Variants in RCOR3 observed in about 807,000 individuals in gnomAD.
The protein encoded by RCOR3 is REST corepressor 3.
In RCOR3, 13 loss-of-function variants were observed where a neutral mutation model predicts 64.1. That is an observed-to-expected ratio of 0.20 (90% confidence interval 0.13 to 0.32). The LOEUF is 0.32. Ranked by LOEUF, RCOR3 falls within the 10% of genes least tolerant of loss-of-function variation. The pLI is 1.00. For missense variants in RCOR3, 489 were observed against 701.2 expected (o/e 0.70, Z 3.42); for synonymous variants, 215 against 239.0 (o/e 0.90, Z 0.93).
chr1:211,269,139 G>C (rs78871138), intron 2 of RCOR3, among the ~76,000 whole-genome samples: 1 of 151,038 alleles, frequency 6.6e-6, no homozygotes, highest in African/African-American at 2.5e-5. Flanking sequence ...TGGAATTCTG[G>C]CTATTAATGG....
At chr1:211,280,996 AAAAAAG>A (rs1697723542) in intron 7 of RCOR3, among the ~76,000 whole-genome samples, 1 of 151,014 alleles carries the variant, frequency 6.6e-6, no homozygotes. Flanking sequence ...AAAAAAAAAA[AAAAAAG>A]GCATATGTCT....
Position 211,312,279 on chromosome 1 carries a change from T to G in RCOR3, c.1076-441T>G. On this transcript the variant is annotated intron_variant, in intron 10 of 11. Coordinates refer to ENST00000419091, the MANE Select transcript of RCOR3 (RefSeq NM_001136223.3). This position sits in a 1 kb window ranked among gnomAD's most constrained non-coding sequence, Gnocchi z 5.0. ...ATGGGGGAACCCTAAGGCTACTCAC[T>G]CAGTCCATTGAGGGGATAAGAGAGA... 4.6e-6 allele frequency: 2 copies of G among 435,794 alleles called. No homozygotes were observed. The highest frequency in any genetic ancestry group is 4.7e-6 in the Non-Finnish European group (1 of 211,494). 27.0% of individuals were successfully genotyped at this position (435,794 alleles called of 1,614,324 possible). A position where few individuals can be genotyped will look rare whatever the true frequency, so the allele number is the denominator to read the frequency against.
intron 4 of RCOR3, among the ~76,000 whole-genome samples, chr1:211,274,603 G>C (rs910998285): frequency 6.6e-6 from 1 of 151,996 alleles, no homozygotes; most frequent in Non-Finnish European, 1.5e-5. Context: ...TACATAGATA[G>C]AACTTTAAAA....
intron 10 of RCOR3, among the ~76,000 whole-genome samples, chr1:211,308,698 T>TGTGTGTG (rs1336986082): frequency 2.4e-4 from 10 of 40,870 alleles, no homozygotes; most frequent in African/African-American, 6.9e-4. Flanking sequence ...TTTTTTTTTT[T>TGTGTGTG]TGTGTAGTCC....
At chr1:211,273,265 T>C (rs1325411419) in intron 3 of RCOR3, among the ~76,000 whole-genome samples, 1 of 152,158 alleles carries the variant, frequency 6.6e-6, no homozygotes, top group Non-Finnish European at 1.5e-5. Context: ...ACTCATTTAA[T>C]CATAGGAGGA....
In RCOR3 at chr1:211,279,218, T is replaced by C. The variant is rs1189966473; in HGVS notation, c.642-20T>C. On this transcript the variant is annotated intron_variant, in intron 6 of 11. Transcript: ENST00000419091. ...AAAAAAAAAAGGGAATTAAGTGTAC[T>C]AATTTTTGTTTCTTCTCAGTGATGA... is the stretch of plus-strand genomic sequence containing the variant. 1 of 1,465,174 alleles carries C rather than the reference T, an allele frequency of 6.8e-7. No individual in the cohort carries two copies. Among genetic ancestry groups the C allele is most frequent in the African/African-American group, 1.4e-5 (1 of 69,882 alleles). The allele number at this position is 1,465,174 out of a possible 1,614,324, so 90.8% of individuals were successfully genotyped here.
At chr1:211,267,948 G>A (rs1695485199) in intron 2 of RCOR3, 1 of 302,396 alleles carries the variant, frequency 3.3e-6, no homozygotes, top group Admixed American at 5.2e-5. Context: ...ATCTCTTTGA[G>A]AAGGGACATT....
chr1:211,308,698 T>TTTTTTG (rs1701171863), intron 10 of RCOR3, among the ~76,000 whole-genome samples: 8 of 40,862 alleles, frequency 2.0e-4, no homozygotes, highest in African/African-American at 5.5e-4. Context: ...TTTTTTTTTT[T>TTTTTTG]TGTGTAGTCC....
In RCOR3 at chr1:211,313,836, G is replaced by A. The variant is rs182663873; in HGVS notation, c.*68G>A. 1.5e-5 allele frequency: 20 copies of A among 1,318,760 alleles called. No individual in the cohort carries two copies. In the East Asian group the frequency reaches 4.5e-4, roughly 30 times the overall value. The allele number at this position is 1,318,760 out of a possible 1,614,324, so 81.7% of individuals were successfully genotyped here. A position where few individuals can be genotyped will look rare whatever the true frequency, so the allele number is the denominator to read the frequency against. On this transcript the variant is annotated 3_prime_UTR_variant, in exon 12 of 12. Coordinates refer to ENST00000419091, the MANE Select transcript of RCOR3 (RefSeq NM_001136223.3). This position sits in a 1 kb window ranked among gnomAD's most constrained non-coding sequence, Gnocchi z 4.7. ...TTATACCAGTGCTCATCTGACTGAT[G>A]AAAAAGAGGAAAGAATAATCATTTC...
chr1:211,302,968 T>C (rs912945471), intron 9 of RCOR3: 1 of 152,210 alleles, frequency 6.6e-6, no homozygotes, highest in Non-Finnish European at 1.5e-5. Flanking sequence ...TTGTGCTCTT[T>C]TATTACTGTT....
intron 2 of RCOR3, among the ~76,000 whole-genome samples, chr1:211,265,233 G>A (rs528742364): frequency 1.3e-4 from 20 of 152,172 alleles, no homozygotes; most frequent in African/African-American, 4.6e-4. Flanking sequence ...TGATAATAAA[G>A]TCTTTATCTG....
chr1:211,278,471 A>G (rs1697326113), intron 6 of RCOR3, among the ~76,000 whole-genome samples: 1 of 152,330 alleles, frequency 6.6e-6, no homozygotes, highest in Non-Finnish European at 1.5e-5. Flanking sequence ...GATATATTTA[A>G]TACACATATT....
Position 211,316,257 on chromosome 1 carries a change from T to G in RCOR3, c.*2489T>G, listed in dbSNP as rs1162635513. On this transcript the variant is annotated 3_prime_UTR_variant, in exon 12 of 12. Transcript: ENST00000419091. Reference sequence around the variant, plus strand: ...TTATAAAACTAATGGAAACAATGTTTTTCTATATGATTTAATTCTAGTGTA... The same window carrying G: ...TTATAAAACTAATGGAAACAATGTTGTTCTATATGATTTAATTCTAGTGTA... 6.6e-6 allele frequency: 1 copy of G among 152,222 alleles called. No homozygotes were observed. The highest frequency in any genetic ancestry group is 1.5e-5 in the Non-Finnish European group (1 of 68,030). The allele number at this position is 152,222 out of a possible 1,614,324, so 9.4% of individuals were successfully genotyped here. A position where few individuals can be genotyped will look rare whatever the true frequency, so the allele number is the denominator to read the frequency against.
At chr1:211,259,885 A>AC (rs1410008015) in intron 1 of RCOR3, 159 bp downstream of exon 1, 13 of 375,462 alleles carry the variant, frequency 3.5e-5, no homozygotes, top group African/African-American at 4.3e-5. Flanking sequence ...CACCCCCGCG[A>AC]CCCCCCGTCC....
chr1:211,261,889 A>C (rs1396188068), intron 2 of RCOR3, among the ~76,000 whole-genome samples: 4 of 107,364 alleles, frequency 3.7e-5, no homozygotes, highest in Non-Finnish European at 6.9e-5. Flanking sequence ...ACGCCATTGC[A>C]CTCCAGCCTG....
At chr1:211,262,958 G>A (rs1694604265) in intron 2 of RCOR3, among the ~76,000 whole-genome samples, 1 of 150,246 alleles carries the variant, frequency 6.7e-6, no homozygotes, top group South Asian at 2.1e-4. Flanking sequence ...TGCCATGCTG[G>A]TGTGCTGCAC....
chr1:211,288,564 A>G (rs1698852659), intron 7 of RCOR3, among the ~76,000 whole-genome samples: 1 of 146,972 alleles, frequency 6.8e-6, no homozygotes, highest in Non-Finnish European at 1.5e-5. Context: ...TATTTTATTT[A>G]TATTTTATTA....
At position 211,313,806 on chromosome 1, in the gene RCOR3, C is replaced by A; in HGVS notation, c.*38C>A. 6.6e-7 allele frequency: 1 copy of A among 1,518,064 alleles called. No homozygotes were observed. Among genetic ancestry groups the A allele is most frequent in the Non-Finnish European group, 9.1e-7 (1 of 1,097,842 alleles). The allele number at this position is 1,518,064 out of a possible 1,614,324, so 94.0% of individuals were successfully genotyped here. On this transcript the variant is annotated 3_prime_UTR_variant, in exon 12 of 12. Coordinates refer to ENST00000419091, the MANE Select transcript of RCOR3 (RefSeq NM_001136223.3). The surrounding 1 kb of genome is among the most constrained non-coding windows in gnomAD (Gnocchi z 4.7). The stretch of plus-strand genomic sequence containing the variant: ...ACACAGCTGCAGTAACTTTTCACCC[C>A]ATCATTATACCAGTGCTCATCTGAC...
At chr1:211,265,730 A>T (rs894643950) in intron 2 of RCOR3, among the ~76,000 whole-genome samples, 3 of 152,292 alleles carry the variant, frequency 2.0e-5, no homozygotes, top group Admixed American at 1.3e-4. Context: ...ATAAATAAAT[A>T]AAATAAAATA....
Sources: allele counts gnomAD v4.1 joint callset (sites outside exome capture counted in the v4.1 genomes callset), GRCh38; gene constraint gnomAD v4.1.1; non-coding constraint Gnocchi (gnomAD v3.1); transcripts MANE v1.5; gene names NCBI Gene and HGNC (gene_info 2026-07-23, HGNC 2026-07-21).